SCHIP1: variants seen among roughly 807,000 people sequenced by gnomAD.
SCHIP1 encodes the protein schwannomin interacting protein 1, also known as schwannomin-interacting protein 1.
Under a neutral mutation model 29.7 loss-of-function variants are expected in SCHIP1, and 8 were observed. The ratio of observed to expected loss-of-function variants is 0.27; its 90% CI spans 0.16 to 0.49. The LOEUF (loss-of-function observed/expected upper bound fraction) is 0.49. Among genes scored for constraint, SCHIP1 ranks in the 20% least tolerant of loss-of-function variants. The pLI, the probability that SCHIP1 is intolerant of heterozygous loss-of-function variation, is 0.99. For synonymous variants in SCHIP1, 76 were observed against 94.9 expected (o/e 0.80, Z 1.16); for missense variants, 193 against 294.6 (o/e 0.66, Z 2.52).
the SCHIP1 span, chr3:159,764,711 G>A: frequency 1.3e-6 from 2 of 1,575,286 alleles, no homozygotes; most frequent in East Asian, 4.7e-5. This position sits in a 1 kb window ranked among gnomAD's most constrained non-coding sequence, Gnocchi z 6.1. Context: ...GACCAGCGAG[G>A]GTACCGGGAT....
At chr3:159,773,020 C>T in the SCHIP1 span, among the ~76,000 whole-genome samples, 19 of 152,338 alleles carry the variant, frequency 1.2e-4, no homozygotes, top group East Asian at 3.5e-3. Context: ...GGATTACAGG[C>T]ATGAGCCACT....
chr3:159,763,561 CCCAGCCTGCCTCCTGCT>C, the SCHIP1 span, among the ~76,000 whole-genome samples: 1 of 152,206 alleles, frequency 6.6e-6, no homozygotes, highest in Non-Finnish European at 1.5e-5. Flanking sequence ...CCAACCCCAT[CCCAGCCTGCCTCCTGCT>C]CCAGCCTGCC....
At chr3:159,275,768 C>T in the SCHIP1 span, among the ~76,000 whole-genome samples, 1 of 152,146 alleles carries the variant, frequency 6.6e-6, no homozygotes, top group African/African-American at 2.4e-5. Flanking sequence ...GAAACAGTCA[C>T]CTGAACAGTA....
chr3:159,502,111 T>C, the SCHIP1 span, among the ~76,000 whole-genome samples: 3 of 152,208 alleles, frequency 2.0e-5, no homozygotes, highest in African/African-American at 7.2e-5. Context: ...ACAAATTTAA[T>C]AAAGGTGTTA....
the SCHIP1 span, among the ~76,000 whole-genome samples, chr3:159,446,045 A>ATG: frequency 2.6e-5 from 4 of 151,978 alleles, no homozygotes; most frequent in African/African-American, 9.7e-5. Flanking sequence ...TAATAATAAA[A>ATG]AGAAAATTCA....
In SCHIP1 at chr3:159,890,786, G is replaced by A. The variant is rs565415810; in HGVS notation, c.590-1311G>A. ...TTTGTGTGATTTTTTTTTTTGGGGG[G>A]CTCTCTTTTTAAAAATGGAAACTAG... On this transcript the variant is annotated intron_variant, in intron 5 of 6. Transcript: ENST00000445224. Among the ~76,000 whole-genome samples, 7 of 151,618 alleles carry A rather than the reference G, an allele frequency of 4.6e-5. No homozygotes were observed. In the South Asian group the frequency reaches 1.0e-3, roughly 23 times the overall value.
At chr3:159,277,220 A>T in the SCHIP1 span, among the ~76,000 whole-genome samples, 2 of 152,226 alleles carry the variant, frequency 1.3e-5, no homozygotes, top group African/African-American at 2.4e-5. Context: ...TGTACTGTGT[A>T]GAATACAATG....
At chr3:159,403,101 A>C in the SCHIP1 span, among the ~76,000 whole-genome samples, 5 of 152,244 alleles carry the variant, frequency 3.3e-5, no homozygotes, top group Non-Finnish European at 4.4e-5. Flanking sequence ...AAAAGTAAAG[A>C]TCTCACAGCC....
At chr3:159,879,438 G>A (rs1716216617) in intron 2 of SCHIP1, among the ~76,000 whole-genome samples, 1 of 152,130 alleles carries the variant, frequency 6.6e-6, no homozygotes, top group Admixed American at 6.5e-5. Flanking sequence ...GGTTCACAGT[G>A]CCTGCTTCAT....
chr3:159,800,739 G>A, the SCHIP1 span, among the ~76,000 whole-genome samples: 1 of 151,004 alleles, frequency 6.6e-6, no homozygotes, highest in Admixed American at 6.6e-5. Context: ...ATACAGGGCA[G>A]AGGTATGTGT....
At chr3:159,584,416 G>GT in the SCHIP1 span, among the ~76,000 whole-genome samples, 1 of 152,152 alleles carries the variant, frequency 6.6e-6, no homozygotes, top group African/African-American at 2.4e-5. Context: ...ATTTGTGTTT[G>GT]TAACAAAGTA....
At chr3:159,791,211 T>C in the SCHIP1 span, among the ~76,000 whole-genome samples, 1 of 152,154 alleles carries the variant, frequency 6.6e-6, no homozygotes, top group Admixed American at 6.5e-5. Context: ...CTCAGTTTCA[T>C]TGTCATATCA....
chr3:159,372,649 T>G, the SCHIP1 span, among the ~76,000 whole-genome samples: 14 of 152,146 alleles, frequency 9.2e-5, no homozygotes. Flanking sequence ...CTGCCTGTCA[T>G]GTGTTTTTAT....
At chr3:159,275,403 G>A in the SCHIP1 span, among the ~76,000 whole-genome samples, 3 of 151,998 alleles carry the variant, frequency 2.0e-5, no homozygotes, top group African/African-American at 7.2e-5. Context: ...AAATCATTCT[G>A]GTTTATTAAA....
At chr3:159,424,408 G>A in the SCHIP1 span, among the ~76,000 whole-genome samples, 4 of 152,198 alleles carry the variant, frequency 2.6e-5, no homozygotes, top group African/African-American at 9.7e-5. Flanking sequence ...AGCCTCAGGA[G>A]CTGATGTGAT....
chr3:159,626,217 G>T, the SCHIP1 span, among the ~76,000 whole-genome samples: 632 of 95,790 alleles, frequency 6.6e-3, 34 homozygotes, highest in African/African-American at 0.042. Context: ...GATATATCTA[G>T]ATATATATAT....
chr3:159,498,079 A>T, the SCHIP1 span, among the ~76,000 whole-genome samples: 19 of 152,236 alleles, frequency 1.2e-4, no homozygotes, highest in Non-Finnish European at 1.8e-4. Flanking sequence ...ATACATTCAA[A>T]TTACACAGAG....
the SCHIP1 span, among the ~76,000 whole-genome samples, chr3:159,828,396 C>CGTATATATAT: frequency 5.7e-4 from 34 of 60,168 alleles, no homozygotes; most frequent in Non-Finnish European, 1.1e-3. Context: ...TACATATATA[C>CGTATATATAT]GTATATATAT....
chr3:159,655,282 G>A, the SCHIP1 span, among the ~76,000 whole-genome samples: 1 of 152,204 alleles, frequency 6.6e-6, no homozygotes. Context: ...AGTATGAAAT[G>A]AAAGCCTGTG....
Sources: gnomAD v4.1 joint callset for allele counts (sites outside exome capture counted in the v4.1 genomes callset) on GRCh38, gnomAD v4.1.1 for gene constraint, Gnocchi (gnomAD v3.1) non-coding constraint, MANE v1.5 for transcripts, NCBI Gene and HGNC (gene_info 2026-07-23, HGNC 2026-07-21) for gene names.